PREX2: variants seen among roughly 807,000 people sequenced by gnomAD.
PREX2 encodes phosphatidylinositol 3,4,5-trisphosphate-dependent Rac exchanger 2 protein.
Under a neutral mutation model 203.2 loss-of-function variants are expected in PREX2, and 107 were observed. The ratio of observed to expected loss-of-function variants is 0.53; its 90% CI spans 0.45 to 0.62. PREX2 has a LOEUF of 0.62. Among genes scored for constraint, PREX2 ranks in the 20% least tolerant of loss-of-function variants. PREX2 has a pLI of 0.00. For synonymous variants in PREX2, 672 were observed against 663.6 expected, an observed-to-expected ratio of 1.01 and a Z score of -0.19; for missense variants, 1,777 against 1,955.9, an observed-to-expected ratio of 0.91 and a Z score of 1.72.
chr8:68,079,289 A>G (rs1289692434), intron 15 of PREX2, among the ~76,000 whole-genome samples: 3 of 152,242 alleles, frequency 2.0e-5, no homozygotes, highest in Non-Finnish European at 2.9e-5. Context: ...TCAACCAAAG[A>G]TCAATAAAGC....
intron 37 of PREX2, among the ~76,000 whole-genome samples, chr8:68,206,854 T>C (rs1003272651): frequency 3.3e-5 from 5 of 152,138 alleles, no homozygotes; most frequent in African/African-American, 1.2e-4. Context: ...TGGAGCCGCA[T>C]TGGGAAGCCA....
chr8:68,011,854 T>C (rs1807274192), intron 1 of PREX2, among the ~76,000 whole-genome samples: 1 of 152,144 alleles, frequency 6.6e-6, no homozygotes, highest in Non-Finnish European at 1.5e-5. Flanking sequence ...AACTAGAAGT[T>C]AAATGCAACA....
intron 11 of PREX2, among the ~76,000 whole-genome samples, chr8:68,067,980 T>C (rs1368235829): frequency 2.1e-4 from 32 of 152,120 alleles, no homozygotes; most frequent in Admixed American, 2.1e-3. Context: ...CGTATGATTT[T>C]TGTCTTTTAT....
chr8:68,186,063 G>GC (rs1812182814), intron 35 of PREX2, among the ~76,000 whole-genome samples: 1 of 122,868 alleles, frequency 8.1e-6, no homozygotes, highest in African/African-American at 3.3e-5. Context: ...CCTGTCCACA[G>GC]TTTGTCAAAT....
At position 68,134,265 on chromosome 8, in the gene PREX2, T is replaced by C; in HGVS notation, c.3973T>C (p.Ser1325Pro). 1 of 1,613,728 alleles carries C rather than the reference T, an allele frequency of 6.2e-7. No homozygotes were observed. Among genetic ancestry groups the C allele is most frequent in the Non-Finnish European group, 8.5e-7 (1 of 1,179,706 alleles). ...TCTTTTTCACTTTCAGTCACTTCTGTCACCAAACTTGGTAAGGAAATCACA... is the reference window on the plus strand; with the variant it reads ...TCTTTTTCACTTTCAGTCACTTCTGCCACCAAACTTGGTAAGGAAATCACA... The part of the protein sequence containing the change: ...GVLFHFQSLL[S>P]PNLTDEQAML... Residue 1325 changes from serine (S) to proline (P), a missense_variant, in exon 32 of 40, where the codon TCA becomes CCA. By Grantham distance (74) the Ser-to-Pro change is moderately conservative (BLOSUM62 -1). Coordinates refer to ENST00000288368, the MANE Select transcript of PREX2 (RefSeq NM_024870.4).
At chr8:67,990,409 C>CT (rs1303928802) in intron 1 of PREX2, among the ~76,000 whole-genome samples, 2 of 151,432 alleles carry the variant, frequency 1.3e-5, no homozygotes, top group African/African-American at 4.9e-5. Context: ...AAAAAAAGAA[C>CT]TTAGGTCAAC....
chr8:68,152,071 C>T (rs1249243382), intron 34 of PREX2, among the ~76,000 whole-genome samples: 12 of 151,302 alleles, frequency 7.9e-5, no homozygotes, highest in Admixed American at 7.9e-4. Context: ...GGGTGGATCA[C>T]GAGGTCAGGA....
At chr8:68,078,687 G>C (rs1809423265) in intron 15 of PREX2, among the ~76,000 whole-genome samples, 1 of 152,070 alleles carries the variant, frequency 6.6e-6, no homozygotes, top group African/African-American at 2.4e-5. Context: ...GAGAAATATT[G>C]GTCCTTGAAG....
chr8:68,097,307 TG>T, intron 22 of PREX2, 106 bp downstream of exon 22: 1 of 862,812 alleles, frequency 1.2e-6, no homozygotes, highest in Non-Finnish European at 1.7e-6. Flanking sequence ...ATGTTGCAGC[TG>T]TCAGCTCATT....
At position 68,099,847 on chromosome 8, in the gene PREX2, A is replaced by C. The variant is rs768489982; in HGVS notation, c.2715+4A>C. ...GAGAATATCCAGTTATAAAAAGGTAAGTGTTCTATTGATTTTATACACAAT... is the reference window on the plus strand; with the variant it reads ...GAGAATATCCAGTTATAAAAAGGTACGTGTTCTATTGATTTTATACACAAT... On this transcript the variant is annotated splice_donor_region_variant and intron_variant, in intron 23 of 39. Coordinates refer to ENST00000288368, the MANE Select transcript of PREX2 (RefSeq NM_024870.4). 3 of 1,599,552 alleles carry C rather than the reference A, an allele frequency of 1.9e-6. No homozygotes were observed. Among genetic ancestry groups the C allele is most frequent in the Non-Finnish European group, 1.7e-6 (2 of 1,166,868 alleles).
chr8:68,087,931 G>C lies in PREX2; in HGVS notation c.2113+122G>C, dbSNP rs9643592. The C allele has an allele frequency of 7.6e-4, 564 of 744,588 alleles. 4 individuals are homozygous for C. The East Asian group carries it at 0.012, about 16-fold the overall frequency. 46.1% of individuals were successfully genotyped at this position (744,588 alleles called of 1,614,324 possible). A position where few individuals can be genotyped will look rare whatever the true frequency, so the allele number is the denominator to read the frequency against. On this transcript the variant is annotated intron_variant, in intron 19 of 39. Coordinates refer to ENST00000288368, the MANE Select transcript of PREX2 (RefSeq NM_024870.4). ...GATGATTCTCAATTATATTTTCACT[G>C]TATTAACTCAATGGTAGCACATTCC...
intron 1 of PREX2, among the ~76,000 whole-genome samples, chr8:67,982,511 A>T (rs1806302555): frequency 6.6e-6 from 1 of 152,180 alleles, no homozygotes; most frequent in Non-Finnish European, 1.5e-5. Context: ...GTAGTAAGGG[A>T]TGGGAGGGAA....
intron 8 of PREX2, among the ~76,000 whole-genome samples, chr8:68,047,480 T>TATATATATATACAC (rs1259362626): frequency 1.6e-5 from 1 of 62,740 alleles, no homozygotes; most frequent in African/African-American, 9.2e-5. Context: ...TATATATATA[T>TATATATATATACAC]ATATATATAT....
At chr8:68,171,593 T>C (rs1811878671) in intron 35 of PREX2, among the ~76,000 whole-genome samples, 1 of 152,152 alleles carries the variant, frequency 6.6e-6, no homozygotes, top group African/African-American at 2.4e-5. Flanking sequence ...CATGAGAAAG[T>C]GAAGGGACAG....
At chr8:68,200,469 G>A (rs775661566) in intron 37 of PREX2, among the ~76,000 whole-genome samples, 2 of 151,668 alleles carry the variant, frequency 1.3e-5, no homozygotes, top group Non-Finnish European at 2.9e-5. Context: ...AATAATACAG[G>A]TAAATTGTTA....
At position 68,234,131 on chromosome 8, in the gene PREX2, A is replaced by C. The variant is rs1813222047; in HGVS notation, c.*2753A>C. ...TAGATAGTACATCTCATACAACTTTATTATAATTCCAACACAGTGGTAAGA... is the reference window on the plus strand; with the variant it reads ...TAGATAGTACATCTCATACAACTTTCTTATAATTCCAACACAGTGGTAAGA... On this transcript the variant is annotated 3_prime_UTR_variant, in exon 40 of 40. Transcript: ENST00000288368. 6.6e-6 allele frequency: 1 copy of C among 152,218 alleles called. No individual in the cohort carries two copies. Among genetic ancestry groups the C allele is most frequent in the African/African-American group, 2.4e-5 (1 of 41,462 alleles). The allele number at this position is 152,218 out of a possible 1,614,324, so 9.4% of individuals were successfully genotyped here.
intron 23 of PREX2, among the ~76,000 whole-genome samples, chr8:68,101,769 G>A (rs1810271595): frequency 2.0e-5 from 3 of 152,148 alleles, no homozygotes; most frequent in South Asian, 2.1e-4. Context: ...ACTGGTCACC[G>A]TGCCTGGGAC....
At position 68,079,378 on chromosome 8, in the gene PREX2, C is replaced by T. The variant is rs543393091; in HGVS notation, c.1643-1065C>T. ...AATAGCTATCCCTTTTGACTGCTTACTATATGCCAAGTTATTTATATTTAT... is the reference window on the plus strand; with the variant it reads ...AATAGCTATCCCTTTTGACTGCTTATTATATGCCAAGTTATTTATATTTAT... On this transcript the variant is annotated intron_variant, in intron 15 of 39. Coordinates refer to ENST00000288368, the MANE Select transcript of PREX2 (RefSeq NM_024870.4). Among the ~76,000 whole-genome samples the T allele has an allele frequency of 1.9e-4, 29 of 152,290 alleles. No homozygotes were observed. The South Asian group carries it at 5.4e-3, about 28-fold the overall frequency.
At chr8:68,041,373 A>G (rs1306003278) in intron 7 of PREX2, among the ~76,000 whole-genome samples, 1 of 152,152 alleles carries the variant, frequency 6.6e-6, no homozygotes, top group African/African-American at 2.4e-5. Flanking sequence ...AACATTTGGT[A>G]GCTATGATGA....
Sources: allele counts gnomAD v4.1 joint callset (sites outside exome capture counted in the v4.1 genomes callset), GRCh38; gene constraint gnomAD v4.1.1; transcripts MANE v1.5; gene names NCBI Gene and HGNC (gene_info 2026-07-23, HGNC 2026-07-21).